The following SIPA1L2 variants were observed in gnomAD, a reference collection of about 807,000 sequenced individuals.
SIPA1L2 encodes the protein signal-induced proliferation-associated 1-like protein 2.
A neutral mutation model predicts 163.9 loss-of-function variants in SIPA1L2; 56 were observed. The observed-to-expected ratio is 0.34, with a 90% CI of 0.28 to 0.43. The LOEUF (loss-of-function observed/expected upper bound fraction) is 0.43. Among genes scored for constraint, SIPA1L2 ranks in the 20% least tolerant of loss-of-function variants. The pLI is 1.00. For synonymous variants in SIPA1L2, 877 were observed against 865.7 expected (o/e 1.01, Z -0.23); for missense variants, 1,974 against 2,193.5 (o/e 0.90, Z 2.00).
intron 2 of SIPA1L2, among the ~76,000 whole-genome samples, chr1:232,541,163 G>A (rs542396598): frequency 2.3e-4 from 35 of 152,242 alleles, no homozygotes; most frequent in African/African-American, 8.4e-4. Flanking sequence ...CCTAGGTGAT[G>A]GGTTGATAGG....
chr1:232,462,319 G>C (rs920661117), intron 9 of SIPA1L2: 6 of 1,546,580 alleles, frequency 3.9e-6, no homozygotes, highest in Non-Finnish European at 5.2e-6. Flanking sequence ...CAAAAGCCCA[G>C]AGGCAATGTA....
chr1:232,510,059 T>A (rs191174180), intron 3 of SIPA1L2, among the ~76,000 whole-genome samples: 14 of 152,238 alleles, frequency 9.2e-5, no homozygotes, highest in Admixed American at 6.5e-4. Context: ...ATGTACCGCA[T>A]AGGGATATTT....
chr1:232,563,592 C>T (rs1328427131), intron 2 of SIPA1L2, among the ~76,000 whole-genome samples: 5 of 152,216 alleles, frequency 3.3e-5, no homozygotes, highest in African/African-American at 1.2e-4. Flanking sequence ...ACCCTTCCTT[C>T]ATAGCTTTTA....
intron 3 of SIPA1L2, among the ~76,000 whole-genome samples, chr1:232,496,052 T>C (rs1346445044): frequency 2.6e-5 from 4 of 152,162 alleles, no homozygotes; most frequent in African/African-American, 9.7e-5. Context: ...TAATGTAAAG[T>C]GTTTATAAAG....
intron 3 of SIPA1L2, among the ~76,000 whole-genome samples, chr1:232,495,886 A>T (rs1185023766): frequency 6.6e-6 from 1 of 152,218 alleles, no homozygotes; most frequent in Admixed American, 6.5e-5. Context: ...AATAGATACA[A>T]AGAAAGCATT....
At position 232,479,698 on chromosome 1, in the gene SIPA1L2, T is replaced by C. The variant is rs776209135; in HGVS notation, c.2014A>G (p.Thr672Ala). The C allele has an allele frequency of 2.5e-6, 4 of 1,613,730 alleles. No individual in the cohort carries two copies. The highest frequency in any genetic ancestry group is 3.4e-6 in the Non-Finnish European group (4 of 1,179,762). ...DSTGTHSLYT[T>A]YKDYELMFHV... ...AACATGAGTTCGTAGTCTTTGTATG[T>C]GGTATAGAGAGAGTGCGTGCCCGTG... Residue 672 changes from threonine (T) to alanine (A), a missense_variant, in exon 7 of 23, where the codon ACA becomes GCA. This residue lies in a region of SIPA1L2 where 288 missense variants were observed against 418.9 expected (regional missense o/e 0.69). Transcript: ENST00000674635.
intron 1 of SIPA1L2, among the ~76,000 whole-genome samples, chr1:232,622,582 G>A (rs1662870831): frequency 6.6e-6 from 1 of 152,210 alleles, no homozygotes; most frequent in Admixed American, 6.5e-5. Context: ...TGAAACCTGG[G>A]AAAGGTGTGA....
chr1:232,446,256 G>A (rs1663213040), intron 10 of SIPA1L2, among the ~76,000 whole-genome samples: 1 of 152,154 alleles, frequency 6.6e-6, no homozygotes, highest in African/African-American at 2.4e-5. Flanking sequence ...ACTATCTCCG[G>A]TAATTAGAAA....
chr1:232,572,779 ATTTATT>A (rs1211513705), intron 2 of SIPA1L2, among the ~76,000 whole-genome samples: 15 of 57,668 alleles, frequency 2.6e-4, no homozygotes, highest in East Asian at 1.7e-3. Flanking sequence ...ATATATATAT[ATTTATT>A]TATTTATTTT....
intron 19 of SIPA1L2, among the ~76,000 whole-genome samples, chr1:232,407,508 T>C (rs192389481): frequency 4.8e-4 from 73 of 152,356 alleles, no homozygotes; most frequent in Middle Eastern, 3.4e-3. Flanking sequence ...AAATTAAAGA[T>C]ACAGACTTTG....
At chr1:232,608,063 A>AAAAAAAAAAAAAAAAAAC (rs1558301973) in intron 1 of SIPA1L2, among the ~76,000 whole-genome samples, 1 of 150,972 alleles carries the variant, frequency 6.6e-6, no homozygotes, top group Non-Finnish European at 1.5e-5. Context: ...AAAAAAAAAA[A>AAAAAAAAAAAAAAAAAAC]AAAAAACGAG....
chr1:232,483,886 C>G lies in SIPA1L2; in HGVS notation c.1887G>C (p.Thr629=), dbSNP rs181535562. The G allele has an allele frequency of 7.0e-5, 113 of 1,613,894 alleles. No individual in the cohort carries two copies. Among genetic ancestry groups the G allele is most frequent in the Non-Finnish European group, 9.1e-5 (107 of 1,179,940 alleles). ...STEEEMYNNE[T]AGPAFEEFLD... ...GGAATTCTTCAAAAGCTGGTCCCGC[C>G]GTCTCATTGTTATACATCTCTTCCT... The change falls in exon 6 of 23, where the codon ACG becomes ACC. Residue 629 remains threonine, a synonymous_variant. Coordinates refer to ENST00000674635, the MANE Select transcript of SIPA1L2 (RefSeq NM_020808.5).
intron 10 of SIPA1L2, among the ~76,000 whole-genome samples, chr1:232,456,341 C>T (rs1390028422): frequency 6.6e-6 from 1 of 152,088 alleles, no homozygotes; most frequent in African/African-American, 2.4e-5. Flanking sequence ...GACCAGGCAA[C>T]AGACAGCAAA....
chr1:232,493,741 C>G (rs1355077617), intron 3 of SIPA1L2, 81 bp from the exon 4 acceptor site: 10 of 1,534,252 alleles, frequency 6.5e-6, no homozygotes, highest in Non-Finnish European at 8.0e-6. Context: ...GTTTGTGTAT[C>G]AAATCTCTGA....
intron 2 of SIPA1L2, among the ~76,000 whole-genome samples, chr1:232,552,732 T>A (rs34338811): frequency 6.6e-6 from 1 of 152,088 alleles, no homozygotes; most frequent in Admixed American, 6.5e-5. Context: ...AAATATAGTA[T>A]AAGAGAAAGA....
chr1:232,406,004 G>A (rs1260253876), intron 19 of SIPA1L2, among the ~76,000 whole-genome samples: 1 of 152,172 alleles, frequency 6.6e-6, no homozygotes, highest in East Asian at 1.9e-4. Context: ...AGTTTTGCCA[G>A]CAATGTAATT....
At chr1:232,531,250 CA>C (rs1252310321) in intron 2 of SIPA1L2, among the ~76,000 whole-genome samples, 5 of 144,620 alleles carry the variant, frequency 3.5e-5, no homozygotes, top group Admixed American at 2.1e-4. Context: ...CCTTACCAAC[CA>C]AAACCACTTA....
intron 7 of SIPA1L2, 39 bp downstream of exon 7, chr1:232,479,588 A>C: frequency 4.6e-6 from 7 of 1,537,358 alleles, no homozygotes; most frequent in Non-Finnish European, 6.3e-6. Flanking sequence ...CTCAGATTTC[A>C]TACTCAGCGT....
chr1:232,551,896 A>G (rs1658409265), intron 2 of SIPA1L2, among the ~76,000 whole-genome samples: 2 of 152,134 alleles, frequency 1.3e-5, no homozygotes. Context: ...CTGGAGTGCA[A>G]TGGTGCGATC....
Sources: gnomAD v4.1 joint callset for allele counts (sites outside exome capture counted in the v4.1 genomes callset) on GRCh38, gnomAD v4.1.1 for gene constraint, gnomAD v4.1.1 regional missense constraint, MANE v1.5 for transcripts, NCBI Gene and HGNC (gene_info 2026-07-23, HGNC 2026-07-21) for gene names.